The following CFAP54 variants were observed in gnomAD, a reference collection of about 807,000 sequenced individuals.
The protein encoded by CFAP54 is cilia and flagella associated protein 54.
In CFAP54, 290 loss-of-function variants were observed where a neutral mutation model predicts 370.4. That is an observed-to-expected ratio of 0.78 (90% CI 0.71 to 0.86). The LOEUF (loss-of-function observed/expected upper bound fraction) is 0.86, where lower values mean the gene tolerates loss of function less well. Ranked by LOEUF, CFAP54 falls within the 40% of genes least tolerant of loss-of-function variation. CFAP54 has a pLI of 0.00. For synonymous variants in CFAP54, 1,206 were observed against 1,236.5 expected (o/e 0.98, Z 0.52); for missense variants, 3,399 against 3,528.7 (o/e 0.96, Z 0.93).
At chr12:96,678,145 C>T (rs1266359365) in intron 39 of CFAP54, among the ~76,000 whole-genome samples, 1 of 151,888 alleles carries the variant, frequency 6.6e-6, no homozygotes, top group Non-Finnish European at 1.5e-5. Flanking sequence ...CTTCACTTTT[C>T]CTCCTTTGTA....
At chr12:96,617,126 A>G (rs181095150) in intron 26 of CFAP54, among the ~76,000 whole-genome samples, 76 of 152,344 alleles carry the variant, frequency 5.0e-4, no homozygotes, top group African/African-American at 1.7e-3. Flanking sequence ...GGGTGAATAT[A>G]ACACTACTCA....
intron 65 of CFAP54, among the ~76,000 whole-genome samples, chr12:96,826,444 A>G (rs1157477871): frequency 7.9e-6 from 1 of 125,914 alleles, no homozygotes; most frequent in Non-Finnish European, 1.6e-5. Flanking sequence ...TATATTATAT[A>G]CCATATATGT....
chr12:96,714,137 C>T (rs1270628705), intron 48 of CFAP54, among the ~76,000 whole-genome samples: 1 of 152,166 alleles, frequency 6.6e-6, no homozygotes, highest in Non-Finnish European at 1.5e-5. Flanking sequence ...TTTCTTTTTA[C>T]AAGGCTATTG....
chr12:96,525,327 A>G (rs1346759284), intron 8 of CFAP54, among the ~76,000 whole-genome samples: 3 of 151,820 alleles, frequency 2.0e-5, no homozygotes, highest in South Asian at 2.1e-4. Context: ...CATTATTTTT[A>G]TAGATATTAT....
At chr12:96,827,801 A>G (rs535552352) in intron 65 of CFAP54, among the ~76,000 whole-genome samples, 1 of 115,964 alleles carries the variant, frequency 8.6e-6, no homozygotes, top group African/African-American at 3.4e-5. Context: ...ATAATTATAT[A>G]TAATACATAG....
chr12:96,554,975 T>C (rs1030338751), intron 17 of CFAP54, 173 bp downstream of exon 17: 22 of 522,064 alleles, frequency 4.2e-5, no homozygotes, highest in Non-Finnish European at 6.4e-5. Context: ...TCTTTCCTTA[T>C]TGCTTTACAC....
In CFAP54 at chr12:96,645,228, A is replaced by G. The variant is rs148214105; in HGVS notation, c.4547+820A>G. 3.4e-3 allele frequency: 1,540 copies of G among 454,898 alleles called. 14 individuals carry two copies. The highest frequency in any genetic ancestry group is 0.016 in the African/African-American group (807 of 50,152). 28.2% of individuals were successfully genotyped at this position (454,898 alleles called of 1,614,324 possible). On this transcript the variant is annotated intron_variant, in intron 33 of 67. Transcript: ENST00000524981. The stretch of plus-strand genomic sequence containing the variant: ...AGATAAAAATAGAAGATACATACAT[A>G]ATATGGAATACTGTGTAGCTATTAA...
chr12:96,549,851 A>G (rs1249411094), intron 15 of CFAP54, among the ~76,000 whole-genome samples: 1 of 152,188 alleles, frequency 6.6e-6, no homozygotes, highest in Non-Finnish European at 1.5e-5. Context: ...ACTGAGGGGA[A>G]TGGAGTTGAG....
intron 66 of CFAP54, among the ~76,000 whole-genome samples, chr12:96,835,741 C>G (rs1959184110): frequency 6.6e-6 from 1 of 152,140 alleles, no homozygotes; most frequent in African/African-American, 2.4e-5. Context: ...GGGATCCTGC[C>G]TGTTCCATGA....
intron 15 of CFAP54, among the ~76,000 whole-genome samples, chr12:96,548,481 A>G (rs1184914012): frequency 6.6e-6 from 1 of 152,066 alleles, no homozygotes; most frequent in East Asian, 1.9e-4. Context: ...ATTCTCTTCC[A>G]TACTTGGTAT....
Position 96,743,791 on chromosome 12 carries a change from G to T in CFAP54, c.7438G>T (p.Ala2480Ser). ...TTCTCCTCAATCACGGCTAACCCTG[G>T]CAAGAAGCCTAGTTTTGCTGGATGA... Reference protein sequence around the residue: ...FISPQSRLTLARSLVLLDDLT... With the variant: ...FISPQSRLTLSRSLVLLDDLT... The change falls in exon 54 of 68, where the codon GCA becomes TCA. Residue 2480 changes from alanine to serine, a missense_variant. By Grantham distance (99) the Ala-to-Ser change is moderately conservative. Around this residue, in one of 3 missense-constraint regions of CFAP54, gnomAD observed 2,796 missense variants for 2,869.7 expected, o/e 0.97. Coordinates refer to ENST00000524981, the MANE Select transcript of CFAP54 (RefSeq NM_001306084.2). 6.2e-7 allele frequency: 1 copy of T among 1,613,836 alleles called. No homozygotes were observed. Among genetic ancestry groups the T allele is most frequent in the South Asian group, 1.1e-5 (1 of 91,066 alleles).
chr12:96,823,240 G>A (rs1004320510), intron 65 of CFAP54, among the ~76,000 whole-genome samples: 2 of 152,068 alleles, frequency 1.3e-5, no homozygotes, highest in African/African-American at 4.8e-5. Context: ...TGAAATTAAG[G>A]CCATGTTTCC....
At chr12:96,611,389 G>A (rs567076968) in intron 26 of CFAP54, among the ~76,000 whole-genome samples, 15 of 152,274 alleles carry the variant, frequency 9.9e-5, no homozygotes, top group Admixed American at 7.8e-4. Flanking sequence ...CCATCTGTAC[G>A]TCACCATCAT....
At chr12:96,778,972 G>A (rs901205058) in intron 60 of CFAP54, among the ~76,000 whole-genome samples, 1 of 151,920 alleles carries the variant, frequency 6.6e-6, no homozygotes, top group African/African-American at 2.4e-5. Context: ...GCCAGGCGTG[G>A]GGGCAGGCAC....
At chr12:96,577,197 T>C (rs1955987388) in intron 20 of CFAP54, among the ~76,000 whole-genome samples, 1 of 152,168 alleles carries the variant, frequency 6.6e-6, no homozygotes, top group East Asian at 1.9e-4. Context: ...AGTCTAGAGG[T>C]TCTGCCCAAA....
At chr12:96,513,747 G>GA (rs928105276) in intron 5 of CFAP54, among the ~76,000 whole-genome samples, 12 of 148,942 alleles carry the variant, frequency 8.1e-5, no homozygotes, top group African/African-American at 2.0e-4. Context: ...TGTCTCAAAT[G>GA]AAAAAAAAAT....
At chr12:96,734,930 A>G (rs181482464) in intron 50 of CFAP54, among the ~76,000 whole-genome samples, 2 of 152,334 alleles carry the variant, frequency 1.3e-5, no homozygotes, top group East Asian at 1.9e-4. Context: ...TCATTTTTAC[A>G]TAAAATTACT....
At chr12:96,668,591 C>T (rs993832782) in intron 39 of CFAP54, among the ~76,000 whole-genome samples, 1 of 152,106 alleles carries the variant, frequency 6.6e-6, no homozygotes, top group African/African-American at 2.4e-5. Flanking sequence ...GGGTTCTTCC[C>T]ATGACACATG....
chr12:96,545,749 C>G (rs943769532), intron 14 of CFAP54, among the ~76,000 whole-genome samples: 6 of 152,050 alleles, frequency 3.9e-5, no homozygotes, highest in African/African-American at 1.2e-4. Flanking sequence ...CCTTTTTGTC[C>G]AATCGCATTT....
Sources: gnomAD v4.1 joint callset for allele counts (sites outside exome capture counted in the v4.1 genomes callset) on GRCh38, gnomAD v4.1.1 for gene constraint, gnomAD v4.1.1 regional missense constraint, MANE v1.5 for transcripts, NCBI Gene and HGNC (gene_info 2026-07-23, HGNC 2026-07-21) for gene names.